The following PTPRT variants were observed in gnomAD, a reference collection of about 807,000 sequenced individuals.
PTPRT encodes receptor-type tyrosine-protein phosphatase T.
A neutral mutation model predicts 176.8 loss-of-function variants in PTPRT; 56 were observed. The observed-to-expected ratio is 0.32, with a 90% CI of 0.26 to 0.40. The LOEUF is 0.40. Ranked by LOEUF, PTPRT falls within the 10% of genes least tolerant of loss-of-function variation. The pLI, the probability that PTPRT is intolerant of heterozygous loss-of-function variation, is 1.00. For missense variants in PTPRT, 1,540 were observed against 1,908.2 expected (o/e 0.81, Z 3.60); for synonymous variants, 783 against 739.0 (o/e 1.06, Z -0.96).
At chr20:42,442,249 C>T (rs980795190) in intron 9 of PTPRT, among the ~76,000 whole-genome samples, 16 of 152,216 alleles carry the variant, frequency 1.1e-4, no homozygotes, top group African/African-American at 3.1e-4. Flanking sequence ...TCTCGGAAGA[C>T]GCTCCAGCCT....
At chr20:42,593,810 C>T (rs890997349) in intron 7 of PTPRT, among the ~76,000 whole-genome samples, 1 of 152,206 alleles carries the variant, frequency 6.6e-6, no homozygotes, top group Non-Finnish European at 1.5e-5. Flanking sequence ...TCAAACACCA[C>T]TTTGCATTTT....
intron 1 of PTPRT, among the ~76,000 whole-genome samples, chr20:43,107,155 T>C (rs912527688): frequency 6.6e-6 from 1 of 152,198 alleles, no homozygotes; most frequent in African/African-American, 2.4e-5. Flanking sequence ...GAATATAAAC[T>C]GCTTTAAAGA....
chr20:42,091,404 A>T (rs1984605309), intron 27 of PTPRT, among the ~76,000 whole-genome samples: 1 of 152,246 alleles, frequency 6.6e-6, no homozygotes, highest in African/African-American at 2.4e-5. Context: ...AAACTAGCAT[A>T]TGGGTCTATT....
intron 1 of PTPRT, among the ~76,000 whole-genome samples, chr20:42,895,135 C>A (rs768275705): frequency 3.3e-5 from 5 of 152,200 alleles, no homozygotes; most frequent in Non-Finnish European, 7.3e-5. Flanking sequence ...TTGTATTAGC[C>A]TGCTAGGGCT....
the PTPRT span, among the ~76,000 whole-genome samples, chr20:42,036,030 G>A: frequency 6.6e-6 from 1 of 152,192 alleles, no homozygotes; most frequent in African/African-American, 2.4e-5. Flanking sequence ...AGTAAGGGAG[G>A]AGCAATAGCT....
rs2075534336 is a variant in PTPRT, at chr20:42,677,859, A to AT, written c.1153+6dup. On this transcript the variant is annotated splice_region_variant and intron_variant, in intron 7 of 30. Coordinates refer to ENST00000373187, the MANE Select transcript of PTPRT (RefSeq NM_007050.6). ...ATAATGGAGCCTGGGAAAAAAAAAA[A>AT]TCTTACCTGCACACTTGGTCCTGGT... 1.2e-6 allele frequency: 2 copies of AT among 1,601,268 alleles called. No individual in the cohort carries two copies. The highest frequency in any genetic ancestry group is 1.7e-6 in the Non-Finnish European group (2 of 1,173,534).
At chr20:42,141,087 A>C (rs1988601770) in intron 18 of PTPRT, among the ~76,000 whole-genome samples, 1 of 152,194 alleles carries the variant, frequency 6.6e-6, no homozygotes, top group Non-Finnish European at 1.5e-5. Flanking sequence ...CCTACAGGAA[A>C]GGTAAAGCTC....
At chr20:43,086,215 G>A (rs67559403) in intron 1 of PTPRT, among the ~76,000 whole-genome samples, 5,371 of 152,178 alleles carry the variant, frequency 0.035, 135 homozygotes, top group Non-Finnish European at 0.057. Flanking sequence ...CAACCAACCC[G>A]CTGTGAATAG....
chr20:42,882,940 C>A (rs747691632), intron 2 of PTPRT, among the ~76,000 whole-genome samples: 1 of 152,178 alleles, frequency 6.6e-6, no homozygotes, highest in African/African-American at 2.4e-5. Context: ...CATGTGAGTT[C>A]CCGAGGCAGG....
At chr20:42,354,132 G>A (rs1242736868) in intron 9 of PTPRT, among the ~76,000 whole-genome samples, 1 of 152,010 alleles carries the variant, frequency 6.6e-6, no homozygotes, top group Admixed American at 6.5e-5. Flanking sequence ...TTTGAAAACT[G>A]GATACAGTCA....
chr20:43,139,995 CA>C (rs1164180721), intron 1 of PTPRT, among the ~76,000 whole-genome samples: 1 of 152,178 alleles, frequency 6.6e-6, no homozygotes, highest in Non-Finnish European at 1.5e-5. Context: ...AAAAGAAATA[CA>C]AAAGATTTGC....
rs542918585 is a variant in PTPRT, at chr20:43,056,313, C to T, written c.88+133333G>A. 7.0e-4 allele frequency among the ~76,000 whole-genome samples: 107 copies of T among 152,316 alleles called. No individual in the cohort carries two copies. The Middle Eastern group carries it at 0.014, about 19-fold the overall frequency. ...CCTTCCACCCACTCTCATCCCACTACCTTGCAGCTGAGTCCAGCCACAGGA... is the reference window on the plus strand; with the variant it reads ...CCTTCCACCCACTCTCATCCCACTATCTTGCAGCTGAGTCCAGCCACAGGA... On this transcript the variant is annotated intron_variant, in intron 1 of 30. Transcript: ENST00000373187.
chr20:42,507,815 G>A (rs1180604370), intron 7 of PTPRT, among the ~76,000 whole-genome samples: 1 of 151,436 alleles, frequency 6.6e-6, no homozygotes, highest in East Asian at 1.9e-4. Context: ...TAGCCGGTCA[G>A]GTCCCAGGGA....
intron 9 of PTPRT, among the ~76,000 whole-genome samples, chr20:42,364,017 C>T (rs1441215143): frequency 6.6e-6 from 1 of 152,076 alleles, no homozygotes; most frequent in Non-Finnish European, 1.5e-5. Flanking sequence ...CTTTTGAGTG[C>T]ATCGTTGGGG....
intron 1 of PTPRT, among the ~76,000 whole-genome samples, chr20:43,044,452 T>A (rs1290997254): frequency 6.6e-6 from 1 of 152,172 alleles, no homozygotes. Context: ...GTGTCACTCC[T>A]GCTGCGATCA....
chr20:42,923,079 C>T (rs1979260743), intron 1 of PTPRT, among the ~76,000 whole-genome samples: 1 of 152,140 alleles, frequency 6.6e-6, no homozygotes, highest in Non-Finnish European at 1.5e-5. Flanking sequence ...TTCAGCACTC[C>T]ACCCCTGCCC....
chr20:42,853,065 G>A (rs1238296846), intron 2 of PTPRT, among the ~76,000 whole-genome samples: 3 of 152,160 alleles, frequency 2.0e-5, no homozygotes, highest in South Asian at 2.1e-4. Context: ...TTCAGGATAA[G>A]AGCAAAGAAG....
At chr20:42,293,063 A>G (rs1461284021) in intron 12 of PTPRT, among the ~76,000 whole-genome samples, 2 of 152,202 alleles carry the variant, frequency 1.3e-5, no homozygotes, top group Admixed American at 6.5e-5. Flanking sequence ...TATCAACTTT[A>G]TGAGATCTTC....
At chr20:42,409,554 T>C (rs2058994209) in intron 9 of PTPRT, among the ~76,000 whole-genome samples, 1 of 150,524 alleles carries the variant, frequency 6.6e-6, no homozygotes, top group African/African-American at 2.5e-5. Flanking sequence ...CAACAATGTC[T>C]TGCATTATAA....
Sources: gnomAD v4.1 joint callset for allele counts (sites outside exome capture counted in the v4.1 genomes callset) on GRCh38, gnomAD v4.1.1 for gene constraint, MANE v1.5 for transcripts, NCBI Gene and HGNC (gene_info 2026-07-23, HGNC 2026-07-21) for gene names.